The following FRMD3 variants were observed in gnomAD, a reference collection of about 807,000 sequenced individuals.
The protein encoded by FRMD3 is FERM domain containing 3.
A neutral mutation model predicts 70.2 loss-of-function variants in FRMD3; 33 were observed. The observed-to-expected ratio is 0.47, with a 90% CI of 0.36 to 0.63. The LOEUF (loss-of-function observed/expected upper bound fraction) is 0.63. Among genes scored for constraint, FRMD3 ranks in the 20% least tolerant of loss-of-function variants. The pLI, the probability that FRMD3 is intolerant of heterozygous loss-of-function variation, is 0.00. For synonymous variants in FRMD3, 279 were observed against 255.9 expected (o/e 1.09, Z -0.86); for missense variants, 632 against 711.4 (o/e 0.89, Z 1.27).
At chr9:83,560,671 C>A in the FRMD3 span, among the ~76,000 whole-genome samples, 15 of 152,344 alleles carry the variant, frequency 9.8e-5, no homozygotes, top group Middle Eastern at 3.4e-3. Flanking sequence ...GCTGCCTTAT[C>A]AGACTACATG....
At chr9:83,547,056 G>A in the FRMD3 span, among the ~76,000 whole-genome samples, 3 of 151,282 alleles carry the variant, frequency 2.0e-5, no homozygotes, top group African/African-American at 4.8e-5. Context: ...AAGCAGACTG[G>A]GATAGCTATA....
intron 13 of FRMD3, among the ~76,000 whole-genome samples, chr9:83,252,816 T>C (rs1832492713): frequency 6.6e-6 from 1 of 152,124 alleles, no homozygotes; most frequent in South Asian, 2.1e-4. Context: ...GAGCTAACTA[T>C]CCTAAATATA....
At chr9:83,437,767 C>T (rs76185241) in intron 1 of FRMD3, among the ~76,000 whole-genome samples, 2,475 of 152,244 alleles carry the variant, frequency 0.016, 69 homozygotes, top group African/African-American at 0.056. Flanking sequence ...AAAAGAGAGA[C>T]GGGACACATG....
At chr9:83,536,199 T>C (rs112919366) in intron 1 of FRMD3, among the ~76,000 whole-genome samples, 5 of 152,244 alleles carry the variant, frequency 3.3e-5, no homozygotes, top group African/African-American at 1.2e-4. Context: ...CATAACATTT[T>C]AACCTCTTTG....
intron 5 of FRMD3, among the ~76,000 whole-genome samples, chr9:83,342,975 G>A (rs1329019964): frequency 6.6e-6 from 1 of 152,266 alleles, no homozygotes; most frequent in South Asian, 2.1e-4. Flanking sequence ...TGTTTTTGCA[G>A]AGGCTCCTGT....
chr9:83,472,070 C>T (rs1828281906), intron 1 of FRMD3, among the ~76,000 whole-genome samples: 2 of 151,642 alleles, frequency 1.3e-5, no homozygotes, highest in African/African-American at 4.9e-5. Flanking sequence ...ATTGAAGGGA[C>T]TAGGGTGCTA....
intron 1 of FRMD3, among the ~76,000 whole-genome samples, chr9:83,396,224 AAGCAATGTCAAGTTCTCCAATTACT>A (rs1371181053): frequency 6.6e-6 from 1 of 152,234 alleles, no homozygotes; most frequent in Non-Finnish European, 1.5e-5. Flanking sequence ...GAGGATTTGG[AAGCAATGTCAAGTTCTCCAATTACT>A]AGAATTTGGA....
At chr9:83,572,842 T>C in the FRMD3 span, among the ~76,000 whole-genome samples, 2 of 152,234 alleles carry the variant, frequency 1.3e-5, no homozygotes, top group Non-Finnish European at 2.9e-5. Flanking sequence ...GCACTTTCCA[T>C]TTCTGTTTGG....
At chr9:83,483,971 A>T (rs1286235300) in intron 1 of FRMD3, among the ~76,000 whole-genome samples, 4 of 152,228 alleles carry the variant, frequency 2.6e-5, no homozygotes, top group African/African-American at 9.6e-5. Context: ...TCTGATTCTA[A>T]GGATATATAC....
chr9:83,347,847 G>A (rs1824012810), intron 4 of FRMD3, among the ~76,000 whole-genome samples: 1 of 152,186 alleles, frequency 6.6e-6, no homozygotes, highest in Non-Finnish European at 1.5e-5. Context: ...TCTAAGGACT[G>A]TGTTTACTAA....
chr9:83,450,307 G>A (rs1218997349), intron 1 of FRMD3, among the ~76,000 whole-genome samples: 1 of 148,192 alleles, frequency 6.7e-6, no homozygotes, highest in Non-Finnish European at 1.5e-5. Flanking sequence ...GATATATTGT[G>A]ACAGCCACTA....
At chr9:83,249,147 A>G (rs781601782) in intron 13 of FRMD3, among the ~76,000 whole-genome samples, 1 of 152,190 alleles carries the variant, frequency 6.6e-6, no homozygotes, top group African/African-American at 2.4e-5. Context: ...TTAGTTGCCT[A>G]TTGTCAAACA....
chr9:83,315,716 G>T (rs1835542943), intron 6 of FRMD3, among the ~76,000 whole-genome samples: 1 of 152,152 alleles, frequency 6.6e-6, no homozygotes, highest in South Asian at 2.1e-4. Context: ...ACCCAGTCTT[G>T]TGTAGTTCTT....
chr9:83,249,823 A>AGACATTAGAACCCTGCATATTGCT (rs1221491265), intron 13 of FRMD3, among the ~76,000 whole-genome samples: 1 of 152,192 alleles, frequency 6.6e-6, no homozygotes, highest in Non-Finnish European at 1.5e-5. Context: ...GAGGATGTGA[A>AGACATTAGAACCCTGCATATTGCT]GACATTAGAA....
rs1823965730 is a variant in FRMD3, at chr9:83,346,407, T to C, written c.375-3120A>G. ...AAGATGCTACAACAGGGATGAACTTTGAAAGCATTATGCTAAGTGAAAAGA... is the reference window on the plus strand; with the variant it reads ...AAGATGCTACAACAGGGATGAACTTCGAAAGCATTATGCTAAGTGAAAAGA... On this transcript the variant is annotated intron_variant, in intron 4 of 13. Transcript: ENST00000304195. 2.0e-5 allele frequency among the ~76,000 whole-genome samples: 3 copies of C among 152,152 alleles called. 1 individual carries two copies. The highest frequency in any genetic ancestry group is 2.0e-4 in the Admixed American group (3 of 15,282).
chr9:83,257,203 G>C (rs181683849), intron 13 of FRMD3, among the ~76,000 whole-genome samples: 1 of 152,172 alleles, frequency 6.6e-6, no homozygotes, highest in Non-Finnish European at 1.5e-5. Flanking sequence ...AAAAAGGAAC[G>C]AGATCATGTC....
intron 1 of FRMD3, among the ~76,000 whole-genome samples, chr9:83,446,710 G>A (rs1827485239): frequency 6.6e-6 from 1 of 150,446 alleles, no homozygotes; most frequent in African/African-American, 2.4e-5. Flanking sequence ...AAGAAAAGAT[G>A]AGATTTGCCA....
chr9:83,275,714 A>T (rs1833773241), intron 13 of FRMD3, among the ~76,000 whole-genome samples: 2 of 152,306 alleles, frequency 1.3e-5, no homozygotes, highest in South Asian at 4.1e-4. Flanking sequence ...TACACTCAAC[A>T]GCCCATGGTA....
At chr9:83,375,259 G>T (rs1437256861) in intron 2 of FRMD3, among the ~76,000 whole-genome samples, 2 of 152,208 alleles carry the variant, frequency 1.3e-5, no homozygotes, top group African/African-American at 4.8e-5. Flanking sequence ...TGCCTGAAAG[G>T]TATTTGCCAT....
Sources: gnomAD v4.1 joint callset for allele counts (sites outside exome capture counted in the v4.1 genomes callset) on GRCh38, gnomAD v4.1.1 for gene constraint, MANE v1.5 for transcripts, NCBI Gene and HGNC (gene_info 2026-07-23, HGNC 2026-07-21) for gene names.